Variants in ZSWIM5 observed in about 807,000 individuals in gnomAD.
ZSWIM5 encodes the protein zinc finger SWIM domain-containing protein 5.
A neutral mutation model predicts 119.6 loss-of-function variants in ZSWIM5; 55 were observed. The observed-to-expected ratio is 0.46, with a 90% CI of 0.37 to 0.58. ZSWIM5 has a LOEUF of 0.58. ZSWIM5 is among the 20% of genes least tolerant of loss of function. The probability of loss-of-function intolerance (pLI) is 0.00; values close to 1 mark genes in which losing one functional copy is unlikely to be tolerated. For missense variants in ZSWIM5, 1,193 were observed against 1,512.8 expected (o/e 0.79, Z 3.51); for synonymous variants, 537 against 606.9 (o/e 0.88, Z 1.69).
At chr1:45,037,142 G>A (rs1294069646) in intron 8 of ZSWIM5, among the ~76,000 whole-genome samples, 3 of 121,540 alleles carry the variant, frequency 2.5e-5, no homozygotes, top group East Asian at 2.5e-4. Flanking sequence ...AGGGAGTCTC[G>A]CTCCATCTCC....
At position 45,164,688 on chromosome 1, in the gene ZSWIM5, T is replaced by C. The variant is rs546884785; in HGVS notation, c.595+41068A>G. On this transcript the variant is annotated intron_variant, in intron 1 of 13. Coordinates refer to ENST00000359600, the MANE Select transcript of ZSWIM5 (RefSeq NM_020883.2). ...AATCCTAGTCTCTGATAAAACAGACTTTAAACCAACAAAGATCAGAAGAGA... is the reference window on the plus strand; with the variant it reads ...AATCCTAGTCTCTGATAAAACAGACCTTAAACCAACAAAGATCAGAAGAGA... Among the ~76,000 whole-genome samples, 271 of 152,078 alleles carry C rather than the reference T, an allele frequency of 1.8e-3. 4 individuals are homozygous for C. The highest frequency in any genetic ancestry group is 6.8e-3 in the Middle Eastern group (2 of 294).
intron 1 of ZSWIM5, among the ~76,000 whole-genome samples, chr1:45,183,507 C>T (rs1352239560): frequency 6.6e-6 from 1 of 151,768 alleles, no homozygotes; most frequent in African/African-American, 2.4e-5. Context: ...GCTAGCAAGA[C>T]TAATAAAGAA....
chr1:45,128,125 G>C (rs932764125), intron 1 of ZSWIM5, among the ~76,000 whole-genome samples: 2 of 152,064 alleles, frequency 1.3e-5, no homozygotes, highest in Admixed American at 6.6e-5. Context: ...AGACAACATA[G>C]ACAAGATTAT....
At chr1:45,092,547 C>A (rs542970788) in intron 1 of ZSWIM5, among the ~76,000 whole-genome samples, 12 of 110,950 alleles carry the variant, frequency 1.1e-4, no homozygotes, top group Admixed American at 3.3e-4. Flanking sequence ...CACCCCCCCC[C>A]CCCCGCCAGC....
At chr1:45,151,422 T>C (rs142524755) in intron 1 of ZSWIM5, among the ~76,000 whole-genome samples, 114 of 152,094 alleles carry the variant, frequency 7.5e-4, no homozygotes, top group African/African-American at 2.5e-3. Flanking sequence ...ATTTGTTAAT[T>C]TAGCCAACAA....
In ZSWIM5 at chr1:45,206,577, G is replaced by T; in HGVS notation, c.-227C>A. The T allele has an allele frequency of 1.0e-6, 1 of 984,044 alleles. No individual in the cohort carries two copies. The highest frequency in any genetic ancestry group is 1.2e-6 in the Non-Finnish European group (1 of 827,296). 61.0% of individuals were successfully genotyped at this position (984,044 alleles called of 1,614,324 possible). ...TGCAGGGTAGCGTGAGGCGGCGCGC[G>T]GTGTCCTGGCCGCCGCGGACGCGAA... On this transcript the variant is annotated 5_prime_UTR_variant, in exon 1 of 14. Coordinates refer to ENST00000359600, the MANE Select transcript of ZSWIM5 (RefSeq NM_020883.2).
In ZSWIM5 at chr1:45,020,612, T is replaced by A; in HGVS notation, c.2613+13A>T. The A allele has an allele frequency of 6.2e-7, 1 of 1,612,628 alleles. No individual in the cohort carries two copies. The highest frequency in any genetic ancestry group is 8.5e-7 in the Non-Finnish European group (1 of 1,179,546). On this transcript the variant is annotated intron_variant, in intron 12 of 13. Coordinates refer to ENST00000359600, the MANE Select transcript of ZSWIM5 (RefSeq NM_020883.2). Reference sequence around the variant, plus strand: ...GCGGTCTAAACTGTGGATGGCCTACTCTTCCTCCATACCTGTAACCCAAGT... The same window carrying A: ...GCGGTCTAAACTGTGGATGGCCTACACTTCCTCCATACCTGTAACCCAAGT...
intron 1 of ZSWIM5, among the ~76,000 whole-genome samples, chr1:45,183,658 A>G (rs1198031895): frequency 6.6e-6 from 1 of 152,250 alleles, no homozygotes; most frequent in African/African-American, 2.4e-5. Context: ...GAAGAAATGG[A>G]TAAATTCCTG....
rs1332518563 is a variant in ZSWIM5 at position 45,036,360 on chromosome 1, T to C, written c.1895-61A>G. 612 of 1,496,838 alleles carry C rather than the reference T, an allele frequency of 4.1e-4. 3 individuals are homozygous for C. In the African/African-American group the frequency reaches 7.7e-3, roughly 19 times the overall value. The allele number at this position is 1,496,838 out of a possible 1,614,324, so 92.7% of individuals were successfully genotyped here. On this transcript the variant is annotated intron_variant, in intron 8 of 13. Transcript: ENST00000359600. ...GCTTGGTAGAGTCTTCTTTCTTTTT[T>C]TTTTTTTTTTTTGAGACAGAGTCTT...
In ZSWIM5 at chr1:45,205,538, T is replaced by C. The variant is rs114637184; in HGVS notation, c.595+218A>G. On this transcript the variant is annotated intron_variant, in intron 1 of 13. Transcript: ENST00000359600. ...GTGAAGAAGAGAGATCTATTCACTC[T>C]TCAAACAAAAAGAAATTGGGGTAGA... 4.6e-3 allele frequency among the ~76,000 whole-genome samples: 703 copies of C among 152,310 alleles called. 8 individuals are homozygous for C. The highest frequency in any genetic ancestry group is 0.016 in the African/African-American group (662 of 41,572).
At position 45,041,313 on chromosome 1, in the gene ZSWIM5, T is replaced by G. The variant is rs138471339; in HGVS notation, c.1610-775A>C. On this transcript the variant is annotated intron_variant, in intron 6 of 13. Coordinates refer to ENST00000359600, the MANE Select transcript of ZSWIM5 (RefSeq NM_020883.2). ...AGCTGTGAATGCCATTCTATGGAGT[T>G]TGAATTTACCTTAGGGATAATGGAA... Among the ~76,000 whole-genome samples the G allele has an allele frequency of 5.0e-3, 768 of 152,276 alleles. 9 individuals carry two copies. Among genetic ancestry groups the G allele is most frequent in the African/African-American group, 0.018 (743 of 41,550 alleles).
chr1:45,130,775 C>G (rs346696), intron 1 of ZSWIM5, among the ~76,000 whole-genome samples: 50,639 of 152,066 alleles, frequency 0.33, 9,649 homozygotes, highest in African/African-American at 0.53. Context: ...ACATAAACCT[C>G]TTGAAAGCAG....
At chr1:45,065,372 C>T (rs531946971) in intron 2 of ZSWIM5, among the ~76,000 whole-genome samples, 1 of 152,210 alleles carries the variant, frequency 6.6e-6, no homozygotes, top group African/African-American at 2.4e-5. Context: ...TTAGGGCAGT[C>T]GGCCTTAAAC....
intron 2 of ZSWIM5, among the ~76,000 whole-genome samples, chr1:45,070,607 C>T (rs1016727525): frequency 6.6e-6 from 1 of 152,078 alleles, no homozygotes; most frequent in African/African-American, 2.4e-5. Flanking sequence ...ATTTCTGATA[C>T]TAATAATTTT....
intron 1 of ZSWIM5, among the ~76,000 whole-genome samples, chr1:45,131,970 A>T (rs1337689819): frequency 6.6e-6 from 1 of 151,244 alleles, no homozygotes; most frequent in Non-Finnish European, 1.5e-5. Context: ...AGCTGACACA[A>T]AGTCTCACTG....
At chr1:45,068,105 T>TC (rs1645196711) in intron 2 of ZSWIM5, among the ~76,000 whole-genome samples, 2 of 56,342 alleles carry the variant, frequency 3.5e-5, no homozygotes, top group African/African-American at 1.3e-4. Flanking sequence ...TTTTTTTTTT[T>TC]TCTTTTTTTT....
At chr1:45,117,301 T>G (rs759312246) in intron 1 of ZSWIM5, among the ~76,000 whole-genome samples, 36 of 152,198 alleles carry the variant, frequency 2.4e-4, no homozygotes, top group Non-Finnish European at 3.5e-4. Context: ...AGGATCATTA[T>G]CAGATCATTC....
At chr1:45,118,089 C>A (rs1645569757) in intron 1 of ZSWIM5, among the ~76,000 whole-genome samples, 1 of 151,178 alleles carries the variant, frequency 6.6e-6, no homozygotes, top group Non-Finnish European at 1.5e-5. Context: ...GGCAACAGAG[C>A]AAGACCCTGC....
intron 1 of ZSWIM5, among the ~76,000 whole-genome samples, chr1:45,162,113 C>T (rs146001655): frequency 1.3e-5 from 2 of 152,302 alleles, no homozygotes; most frequent in Non-Finnish European, 2.9e-5. Context: ...GCCATGTCAC[C>T]ATACTTGTTA....
Sources: allele counts gnomAD v4.1 joint callset (sites outside exome capture counted in the v4.1 genomes callset), GRCh38; gene constraint gnomAD v4.1.1; transcripts MANE v1.5; gene names NCBI Gene and HGNC (gene_info 2026-07-23, HGNC 2026-07-21).